Variants in C10orf90 observed in about 807,000 individuals in gnomAD.
C10orf90 encodes the protein chromosome 10 open reading frame 90.
Under a neutral mutation model 62.5 loss-of-function variants are expected in C10orf90, and 56 were observed. The observed-to-expected ratio is 0.90, with a 90% CI of 0.72 to 1.12. The LOEUF (loss-of-function observed/expected upper bound fraction) is 1.12, where lower values mean the gene tolerates loss of function less well. Ranked by LOEUF, C10orf90 falls within the 50% of genes most tolerant of loss-of-function variation. The probability of loss-of-function intolerance (pLI) is 0.00; values close to 1 mark genes in which losing one functional copy is unlikely to be tolerated. For synonymous variants in C10orf90, 386 were observed against 340.4 expected, an observed-to-expected ratio of 1.13 and a Z score of -1.47; for missense variants, 970 against 880.4, an observed-to-expected ratio of 1.10 and a Z score of -1.29.
At chr10:126,529,912 G>C (rs1298910842) in intron 2 of C10orf90, among the ~76,000 whole-genome samples, 3 of 152,036 alleles carry the variant, frequency 2.0e-5, no homozygotes, top group African/African-American at 7.2e-5. Context: ...GTATCATCAA[G>C]GAATAAAAAG....
intron 4 of C10orf90, among the ~76,000 whole-genome samples, chr10:126,503,753 A>G (rs1312939440): frequency 6.6e-6 from 1 of 152,030 alleles, no homozygotes; most frequent in Non-Finnish European, 1.5e-5. Flanking sequence ...GCCTCTTACA[A>G]TCTACAAAAG....
intron 4 of C10orf90, among the ~76,000 whole-genome samples, chr10:126,467,733 C>A (rs76672355): frequency 0.011 from 1,687 of 152,206 alleles, 37 homozygotes; most frequent in African/African-American, 0.039. Context: ...TTGATTATCC[C>A]AGAATTAAGC....
chr10:126,513,839 G>A lies in C10orf90; in HGVS notation c.405+9C>T, dbSNP rs749222713. ...GCTGACTATTCTAGAAGTTAGAAAT[G>A]TATGTTACCTTGGTGAAGTCAGATT... On this transcript the variant is annotated intron_variant, in intron 3 of 9. Coordinates refer to ENST00000488181, the MANE Select transcript of C10orf90 (RefSeq NM_001350921.2). 3 of 1,566,346 alleles carry A rather than the reference G, an allele frequency of 1.9e-6. No individual in the cohort carries two copies. Among genetic ancestry groups the A allele is most frequent in the South Asian group, 2.2e-5 (2 of 89,718 alleles).
chr10:126,483,880 A>T (rs1861288478), intron 4 of C10orf90, among the ~76,000 whole-genome samples: 1 of 152,116 alleles, frequency 6.6e-6, no homozygotes, highest in Non-Finnish European at 1.5e-5. Flanking sequence ...TCATTCTCCA[A>T]GACTGTGCAT....
At chr10:126,511,973 G>A (rs1250757013) in intron 3 of C10orf90, 1 of 147,168 alleles carries the variant, frequency 6.8e-6, no homozygotes, top group East Asian at 1.9e-4. Context: ...CATTTTGGAA[G>A]GAAAAGTGAT....
chr10:126,645,871 C>T (rs1846160801), intron 2 of C10orf90, among the ~76,000 whole-genome samples: 1 of 152,166 alleles, frequency 6.6e-6, no homozygotes, highest in South Asian at 2.1e-4. Flanking sequence ...TATAGTGGCT[C>T]ATCTGCCACA....
intron 4 of C10orf90, 138 bp from the exon 5 acceptor site, chr10:126,465,124 C>G: frequency 1.2e-6 from 1 of 810,004 alleles, no homozygotes; most frequent in Non-Finnish European, 1.9e-6. Context: ...GGAGGGCCAT[C>G]TGTATACAGT....
At chr10:126,660,932 C>G (rs1036628019) in intron 1 of C10orf90, among the ~76,000 whole-genome samples, 2 of 152,198 alleles carry the variant, frequency 1.3e-5, no homozygotes, top group Non-Finnish European at 2.9e-5. Flanking sequence ...CCCTGTGGAC[C>G]ATGATTTTGG....
chr10:126,497,658 T>C (rs748701888), intron 4 of C10orf90, among the ~76,000 whole-genome samples: 5 of 152,130 alleles, frequency 3.3e-5, no homozygotes, highest in Non-Finnish European at 5.9e-5. Flanking sequence ...ACCCAGAGGG[T>C]CTGCCCTGGA....
chr10:126,631,995 G>A (rs1845859432), intron 2 of C10orf90, among the ~76,000 whole-genome samples: 2 of 152,040 alleles, frequency 1.3e-5, no homozygotes, highest in African/African-American at 4.8e-5. Context: ...GGAATACAGT[G>A]GCCTTGGAGA....
intron 4 of C10orf90, among the ~76,000 whole-genome samples, chr10:126,485,615 C>A (rs1249039324): frequency 6.6e-6 from 1 of 151,892 alleles, no homozygotes; most frequent in African/African-American, 2.4e-5. Context: ...GACTAGATAT[C>A]ACAAAAATTC....
chr10:126,467,949 G>A (rs111702201), intron 4 of C10orf90, among the ~76,000 whole-genome samples: 20 of 152,262 alleles, frequency 1.3e-4, no homozygotes, highest in African/African-American at 4.6e-4. Context: ...CACATTCTAC[G>A]AGACAGGACC....
At chr10:126,653,345 C>A (rs1846328477) in intron 1 of C10orf90, among the ~76,000 whole-genome samples, 2 of 152,244 alleles carry the variant, frequency 1.3e-5, no homozygotes, top group African/African-American at 2.4e-5. Context: ...AACCTCACCA[C>A]TGCTCTATCA....
intron 7 of C10orf90, among the ~76,000 whole-genome samples, chr10:126,450,534 A>G (rs956289418): frequency 3.9e-5 from 6 of 152,366 alleles, no homozygotes; most frequent in East Asian, 3.9e-4. Flanking sequence ...CCAGAAATAC[A>G]TCTATGTATT....
At chr10:126,441,911 C>T (rs981783878) in intron 7 of C10orf90, among the ~76,000 whole-genome samples, 2 of 152,160 alleles carry the variant, frequency 1.3e-5, no homozygotes, top group South Asian at 2.1e-4. Flanking sequence ...ATCCTGGAAA[C>T]ACATCAAAAC....
chr10:126,518,844 C>T (rs1863583077), intron 2 of C10orf90, among the ~76,000 whole-genome samples: 1 of 152,180 alleles, frequency 6.6e-6, no homozygotes. Flanking sequence ...ACCACCATGA[C>T]TGAACACACC....
rs997575354 is a variant in C10orf90, at chr10:126,425,206, A to G, written c.*658T>C. 2.6e-5 allele frequency: 4 copies of G among 152,180 alleles called. No individual in the cohort carries two copies. Among genetic ancestry groups the G allele is most frequent in the Non-Finnish European group, 5.9e-5 (4 of 68,068 alleles). 9.4% of individuals were successfully genotyped at this position (152,180 alleles called of 1,614,324 possible). A position where few individuals can be genotyped will look rare whatever the true frequency, so the allele number is the denominator to read the frequency against. On this transcript the variant is annotated 3_prime_UTR_variant, in exon 10 of 10. Coordinates refer to ENST00000488181, the MANE Select transcript of C10orf90 (RefSeq NM_001350921.2). ...GAGTATTGTAGAAAACACTGAAGTT[A>G]CGTCAGAGCTTCCATAGAAATGGAT...
At chr10:126,515,171 G>A (rs2133923073) in intron 2 of C10orf90, among the ~76,000 whole-genome samples, 1 of 152,310 alleles carries the variant, frequency 6.6e-6, no homozygotes, top group Middle Eastern at 3.4e-3. Context: ...AGATTATAAT[G>A]GAGCTGAAAA....
At chr10:126,428,026 A>G (rs1307012358) in intron 8 of C10orf90, among the ~76,000 whole-genome samples, 1 of 152,178 alleles carries the variant, frequency 6.6e-6, no homozygotes, top group Non-Finnish European at 1.5e-5. Flanking sequence ...CAAATAAATC[A>G]TGGTCCATCT....
Sources: allele counts gnomAD v4.1 joint callset (sites outside exome capture counted in the v4.1 genomes callset), GRCh38; gene constraint gnomAD v4.1.1; transcripts MANE v1.5; gene names NCBI Gene and HGNC (gene_info 2026-07-23, HGNC 2026-07-21).